Variants in DEPDC7 observed in about 807,000 individuals in gnomAD.
The protein encoded by DEPDC7 is DEP domain containing 7.
Under a neutral mutation model 56.6 loss-of-function variants are expected in DEPDC7, and 41 were observed. That is an observed-to-expected ratio of 0.72 (90% CI 0.56 to 0.94). The LOEUF is 0.94. Among genes scored for constraint, DEPDC7 ranks in the 40% least tolerant of loss-of-function variants. DEPDC7 has a pLI of 0.00. For missense variants in DEPDC7, 522 were observed against 596.3 expected (o/e 0.88, Z 1.30); for synonymous variants, 185 against 208.8 (o/e 0.89, Z 0.98).
Position 33,032,901 on chromosome 11 carries a change from C to T in DEPDC7, c.1276C>T (p.Leu426=). The change falls in exon 8 of 9, where the codon CTA becomes TTA. Residue 426 remains leucine, a synonymous_variant. Coordinates refer to ENST00000241051, the MANE Select transcript of DEPDC7 (RefSeq NM_001077242.2). The stretch of plus-strand genomic sequence containing the variant: ...TCTTTTTCTTAAGATTCCTGGAACT[C>T]TACATAAAATTGTAAGTGTTAAGCT... The part of the protein sequence containing the change: ...QKDVFKIPGT[L]HKIVSVKLMA... 1 of 1,603,200 alleles carries T rather than the reference C, an allele frequency of 6.2e-7. No homozygotes were observed. The highest frequency in any genetic ancestry group is 8.5e-7 in the Non-Finnish European group (1 of 1,175,832).
chr11:33,024,851 G>A (rs983899886), intron 1 of DEPDC7, among the ~76,000 whole-genome samples: 9 of 148,388 alleles, frequency 6.1e-5, no homozygotes, highest in Non-Finnish European at 1.2e-4. Context: ...TGACTCATAA[G>A]TACTTCAAAA....
intron 1 of DEPDC7, among the ~76,000 whole-genome samples, chr11:33,022,161 T>G (rs1038597765): frequency 4.6e-5 from 7 of 152,230 alleles, no homozygotes; most frequent in African/African-American, 1.7e-4. Flanking sequence ...CATGTCTTCC[T>G]TTTCCTGTCT....
intron 4 of DEPDC7, among the ~76,000 whole-genome samples, chr11:33,030,614 C>T (rs187207740): frequency 1.1e-4 from 16 of 152,180 alleles, no homozygotes; most frequent in African/African-American, 3.1e-4. Context: ...GATGAGGTCT[C>T]GCTCTGTTGC....
chr11:33,031,618 T>A (rs1458376415), intron 5 of DEPDC7, 29 bp downstream of exon 5: 1 of 1,563,374 alleles, frequency 6.4e-7, no homozygotes, highest in African/African-American at 1.4e-5. Flanking sequence ...GATACTAGCA[T>A]TTATCTTTTG....
intron 2 of DEPDC7, chr11:33,026,370 G>C (rs1187806741): frequency 3.2e-6 from 1 of 316,028 alleles, no homozygotes; most frequent in African/African-American, 2.1e-5. Flanking sequence ...ATTGCGGTGG[G>C]AGAGAAGAAG....
intron 8 of DEPDC7, 34 bp downstream of exon 8, chr11:33,033,001 A>G (rs778483555): frequency 6.7e-7 from 1 of 1,486,012 alleles, no homozygotes; most frequent in Non-Finnish European, 9.2e-7. Context: ...ATGATCTTCC[A>G]AAGACAAATT....
chr11:33,024,448 G>GTA (rs1564964050), intron 1 of DEPDC7, among the ~76,000 whole-genome samples: 1 of 152,102 alleles, frequency 6.6e-6, no homozygotes, highest in Non-Finnish European at 1.5e-5. Flanking sequence ...GTGTGTGTGT[G>GTA]TATACAATCA....
rs1490606951 is a variant in DEPDC7 at position 33,015,973 on chromosome 11, G to A, written c.18G>A (p.Glu6=). 1.3e-6 allele frequency: 2 copies of A among 1,579,024 alleles called. No homozygotes were observed. Among genetic ancestry groups the A allele is most frequent in the Non-Finnish European group, 1.7e-6 (2 of 1,163,436 alleles). MATVQ[E]KAAALNLSAL... ...CAAGGGCCATGGCCACCGTGCAGGA[G>A]AAGGCTGCTGCGCTGAACCTCTCGG... Residue 6 remains glutamate, a synonymous_variant, in exon 1 of 9, where the codon GAG becomes GAA. Transcript: ENST00000241051.
intron 5 of DEPDC7, 148 bp from the exon 6 acceptor site, chr11:33,032,188 A>G: frequency 1.4e-6 from 1 of 699,310 alleles, no homozygotes; most frequent in Middle Eastern, 4.2e-4. Context: ...GGTATTCACC[A>G]TTCATTGTTA....
chr11:33,030,654 G>A (rs1386834358), intron 4 of DEPDC7, among the ~76,000 whole-genome samples: 1 of 152,022 alleles, frequency 6.6e-6, no homozygotes, highest in Non-Finnish European at 1.5e-5. Flanking sequence ...CTCAATCTTG[G>A]CTCACTGCAG....
At position 33,031,373 on chromosome 11, in the gene DEPDC7, T is replaced by C; in HGVS notation, c.783-5T>C. 2 of 1,609,310 alleles carry C rather than the reference T, an allele frequency of 1.2e-6. No individual in the cohort carries two copies. Among genetic ancestry groups the C allele is most frequent in the Non-Finnish European group, 1.7e-6 (2 of 1,175,612 alleles). ...TTTTAAATAATCTTCCCCTCTCCCC[T>C]ATAGGGAAGATGAGTGGCTCTCGGC... On this transcript the variant is annotated splice_polypyrimidine_tract_variant and splice_region_variant and intron_variant, in intron 4 of 8. Transcript: ENST00000241051.
At chr11:33,029,602 T>A (rs1001899476) in intron 4 of DEPDC7, among the ~76,000 whole-genome samples, 33 of 151,936 alleles carry the variant, frequency 2.2e-4, no homozygotes, top group African/African-American at 6.5e-4. Flanking sequence ...GGAATTAAAA[T>A]TTTTTTTTCC....
intron 4 of DEPDC7, among the ~76,000 whole-genome samples, chr11:33,029,919 A>G (rs533071559): frequency 6.6e-6 from 1 of 152,346 alleles, no homozygotes; most frequent in East Asian, 1.9e-4. Context: ...CAGATATAAC[A>G]CATTTCTATA....
intron 1 of DEPDC7, among the ~76,000 whole-genome samples, chr11:33,017,312 CA>C (rs1443606940): frequency 6.6e-6 from 1 of 152,180 alleles, no homozygotes; most frequent in East Asian, 1.9e-4. Flanking sequence ...CCCACTTACT[CA>C]GTGAAGGAAA....
At chr11:33,033,220 G>A in intron 8 of DEPDC7, 42 bp from the exon 9 acceptor site, 1 of 1,382,886 alleles carries the variant, frequency 7.2e-7, no homozygotes, top group South Asian at 1.3e-5. Context: ...TAAATATGAG[G>A]AATTGAGTCA....
rs1300087981 is a variant in DEPDC7, at chr11:33,015,964, C to G, written c.9C>G (p.Thr3=). 1.3e-5 allele frequency: 20 copies of G among 1,576,634 alleles called. No individual in the cohort carries two copies. Among genetic ancestry groups the G allele is most frequent in the Middle Eastern group, 1.7e-4 (1 of 5,980 alleles). ...TCCGGGGAGCAAGGGCCATGGCCACCGTGCAGGAGAAGGCTGCTGCGCTGA... is the reference window on the plus strand; with the variant it reads ...TCCGGGGAGCAAGGGCCATGGCCACGGTGCAGGAGAAGGCTGCTGCGCTGA... MA[T]VQEKAAALNL... Residue 3 remains threonine, a synonymous_variant, in exon 1 of 9, where the codon ACC becomes ACG. Coordinates refer to ENST00000241051, the MANE Select transcript of DEPDC7 (RefSeq NM_001077242.2).
chr11:33,031,736 T>C, intron 5 of DEPDC7, 147 bp downstream of exon 5: 1 of 688,910 alleles, frequency 1.5e-6, no homozygotes, highest in Non-Finnish European at 2.4e-6. Context: ...CAAAAACTTC[T>C]AGGGGTCATT....
chr11:33,024,295 A>G lies in DEPDC7; in HGVS notation c.74-1364A>G, dbSNP rs560753219. Among the ~76,000 whole-genome samples, 139 of 152,328 alleles carry G rather than the reference A, an allele frequency of 9.1e-4. 1 individual carries two copies. The highest frequency in any genetic ancestry group is 4.6e-3 in the South Asian group (22 of 4,822). On this transcript the variant is annotated intron_variant, in intron 1 of 8. Transcript: ENST00000241051. ...CTTCTGTGCGTACTCTGTCTTTGCA[A>G]TAGGTCATAAGCTCCTATAGGGCAG...
In DEPDC7 at chr11:33,033,467, C is replaced by A. The variant is rs1488670381; in HGVS notation, c.*12C>A. 6.6e-7 allele frequency: 1 copy of A among 1,509,386 alleles called. No individual in the cohort carries two copies. Among genetic ancestry groups the A allele is most frequent in the Non-Finnish European group, 9.0e-7 (1 of 1,115,402 alleles). The allele number at this position is 1,509,386 out of a possible 1,614,324, so 93.5% of individuals were successfully genotyped here. A position where few individuals can be genotyped will look rare whatever the true frequency, so the allele number is the denominator to read the frequency against. The stretch of plus-strand genomic sequence containing the variant: ...ATTTTGGAGACTGAGTTTTTAATAT[C>A]TGTATATAAGTTGTGTATTTTAAGA... On this transcript the variant is annotated 3_prime_UTR_variant, in exon 9 of 9. Transcript: ENST00000241051.
Sources: allele counts gnomAD v4.1 joint callset (sites outside exome capture counted in the v4.1 genomes callset), GRCh38; gene constraint gnomAD v4.1.1; transcripts MANE v1.5; gene names NCBI Gene and HGNC (gene_info 2026-07-23, HGNC 2026-07-21).